Variants in LRFN1 observed in about 807,000 individuals in gnomAD.
The protein encoded by LRFN1 is leucine-rich repeat and fibronectin type III domain-containing protein 1.
LRFN1 carries 20 observed loss-of-function variants against 31.8 expected under a neutral mutation model. The ratio of observed to expected loss-of-function variants is 0.63; its 90% confidence interval spans 0.44 to 0.91. The LOEUF is 0.91. Among genes scored for constraint, LRFN1 ranks in the 40% least tolerant of loss-of-function variants. The pLI, the probability that LRFN1 is intolerant of heterozygous loss-of-function variation, is 0.00. For synonymous variants in LRFN1, 514 were observed against 541.3 expected, an observed-to-expected ratio of 0.95 and a Z score of 0.70; for missense variants, 912 against 1,129.8, an observed-to-expected ratio of 0.81 and a Z score of 2.76.
intron 1 of LRFN1, among the ~76,000 whole-genome samples, chr19:39,319,312 AAC>A (rs137961088): frequency 4.3e-4 from 66 of 152,056 alleles, no homozygotes; most frequent in South Asian, 6.2e-4. Flanking sequence ...ACATCTAACA[AAC>A]ACACACACAC....
rs370219349 is a variant in LRFN1, at chr19:39,314,532, C to G, written c.805G>C (p.Glu269Gln). 1 of 1,609,654 alleles carries G rather than the reference C, an allele frequency of 6.2e-7. No homozygotes were observed. ...GTGGCGCAGGTCTCTAAGTCGTCCT[C>G]GCGGGTCAGCCGCCGCAGCCAGAGC... The part of the protein sequence containing the change: ...ELLWLRRLTR[E>Q]DDLETCATPE... The change falls in exon 4 of 5, where the codon GAG becomes CAG. Residue 269 changes from glutamate to glutamine, a missense_variant. Glu to Gln is a conservative substitution (Grantham distance 29, BLOSUM62 2). This residue lies in a region of LRFN1 where 401 missense variants were observed against 572.7 expected (regional missense o/e 0.70). Coordinates refer to ENST00000248668, the MANE Select transcript of LRFN1 (RefSeq NM_020862.2).
rs1057008484 is a variant in LRFN1 at position 39,314,355 on chromosome 19, C to T, written c.982G>A (p.Glu328Lys). The change falls in exon 4 of 5, where the codon GAG becomes AAG. Residue 328 changes from glutamate (E) to lysine (K), a missense_variant. By Grantham distance (56) the Glu-to-Lys change is moderately conservative. Coordinates refer to ENST00000248668, the MANE Select transcript of LRFN1 (RefSeq NM_020862.2). ...SLRCRAVGDP[E>K]PVVHWVAPDG... ...GGTGCCACCCAGTGCACCACCGGCT[C>T]GGGGTCACCCACCGCTCGGCAGCGC... 2.5e-6 allele frequency: 4 copies of T among 1,592,850 alleles called. No individual in the cohort carries two copies. The highest frequency in any genetic ancestry group is 1.8e-5 in the Admixed American group (1 of 56,198).
intron 2 of LRFN1, among the ~76,000 whole-genome samples, chr19:39,318,067 A>C (rs2075177112): frequency 6.6e-6 from 1 of 152,100 alleles, no homozygotes; most frequent in South Asian, 2.1e-4. Context: ...CCTGAGAATG[A>C]ATGTCTCTTG....
At chr19:39,320,084 A>G (rs1412889902) in intron 1 of LRFN1, among the ~76,000 whole-genome samples, 3 of 79,364 alleles carry the variant, frequency 3.8e-5, no homozygotes, top group Admixed American at 1.7e-4. Context: ...CCATCTGTCC[A>G]CCTCCTGGCC....
chr19:39,314,356 G>A lies in LRFN1; in HGVS notation c.981C>T (p.Pro327=), dbSNP rs775523964. The change falls in exon 4 of 5, where the codon CCC becomes CCT. Residue 327 remains proline, a synonymous_variant. Coordinates refer to ENST00000248668, the MANE Select transcript of LRFN1 (RefSeq NM_020862.2). ...GTGCCACCCAGTGCACCACCGGCTC[G>A]GGGTCACCCACCGCTCGGCAGCGCA... is the stretch of plus-strand genomic sequence containing the variant. The part of the protein sequence containing the change: ...VSLRCRAVGD[P]EPVVHWVAPD... 1.3e-6 allele frequency: 2 copies of A among 1,590,348 alleles called. No homozygotes were observed. The highest frequency in any genetic ancestry group is 1.1e-5 in the South Asian group (1 of 88,312).
chr19:39,307,405 T>C lies in LRFN1; in HGVS notation c.*228A>G. The C allele has an allele frequency of 2.3e-6, 1 of 434,818 alleles. No homozygotes were observed. The highest frequency in any genetic ancestry group is 4.0e-6 in the Non-Finnish European group (1 of 251,758). The allele number at this position is 434,818 out of a possible 1,614,324, so 26.9% of individuals were successfully genotyped here. A position where few individuals can be genotyped will look rare whatever the true frequency, so the allele number is the denominator to read the frequency against. On this transcript the variant is annotated 3_prime_UTR_variant, in exon 5 of 5. Transcript: ENST00000248668. The surrounding 1 kb of genome is among the most constrained non-coding windows in gnomAD (Gnocchi z 6.7). The stretch of plus-strand genomic sequence containing the variant: ...GAGGGGTAGGAGGGGGGTCGAGGAG[T>C]CCATAGGGGAAGGGAGGCCGGCAGC...
rs755765228 is a variant in LRFN1, at chr19:39,314,287, C to A, written c.1050G>T (p.Arg350=). 5.0e-6 allele frequency: 8 copies of A among 1,611,626 alleles called. No homozygotes were observed. The South Asian group carries it at 7.7e-5, about 16-fold the overall frequency. Reference sequence around the variant, plus strand: ...TGGTCACATCCAGCGTCCCGTCCCCCCGGACCCGGGTCCGGCTGGAGTTCC... The same window carrying A: ...TGGTCACATCCAGCGTCCCGTCCCCACGGACCCGGGTCCGGCTGGAGTTCC... ...LLGNSSRTRV[R]GDGTLDVTIT... Residue 350 remains arginine (R), a synonymous_variant, in exon 4 of 5, where the codon CGG becomes CGT. Coordinates refer to ENST00000248668, the MANE Select transcript of LRFN1 (RefSeq NM_020862.2).
intron 1 of LRFN1, among the ~76,000 whole-genome samples, chr19:39,319,383 C>T (rs1252780581): frequency 3.3e-5 from 5 of 152,040 alleles, no homozygotes; most frequent in Non-Finnish European, 7.4e-5. Flanking sequence ...ATACTTCACA[C>T]ATCTCCATGT....
intron 4 of LRFN1, among the ~76,000 whole-genome samples, chr19:39,310,026 C>T (rs559562850): frequency 1.3e-5 from 2 of 152,316 alleles, no homozygotes; most frequent in South Asian, 2.1e-4. Context: ...GACGCGATCT[C>T]GGCTCACTGC....
Position 39,315,849 on chromosome 19 carries a change from T to C in LRFN1, c.-38+233A>G, listed in dbSNP as rs1272105766. 6.6e-6 allele frequency among the ~76,000 whole-genome samples: 1 copy of C among 152,100 alleles called. No individual in the cohort carries two copies. The highest frequency in any genetic ancestry group is 1.5e-5 in the Non-Finnish European group (1 of 68,002). On this transcript the variant is annotated intron_variant, in intron 3 of 4. Coordinates refer to ENST00000248668, the MANE Select transcript of LRFN1 (RefSeq NM_020862.2). This position sits in a 1 kb window ranked among gnomAD's most constrained non-coding sequence, Gnocchi z 4.7. The stretch of plus-strand genomic sequence containing the variant: ...ATAAATAAAAATAAAAATATCTCTA[T>C]ACTGGTTGATAGAATACCCCTGTCC...
chr19:39,313,521 G>A (rs935512986), intron 4 of LRFN1, among the ~76,000 whole-genome samples: 1 of 152,164 alleles, frequency 6.6e-6, no homozygotes, highest in Non-Finnish European at 1.5e-5. Flanking sequence ...AATAGAGTAA[G>A]GCTCAGTCTC....
At chr19:39,309,361 G>C (rs2075142350) in intron 4 of LRFN1, among the ~76,000 whole-genome samples, 1 of 151,554 alleles carries the variant, frequency 6.6e-6, no homozygotes, top group African/African-American at 2.4e-5. Flanking sequence ...GGCTGAGGCA[G>C]GAAAATCGCT....
chr19:39,320,555 C>CG (rs1338850340), intron 1 of LRFN1, among the ~76,000 whole-genome samples: 1 of 151,914 alleles, frequency 6.6e-6, no homozygotes, highest in Non-Finnish European at 1.5e-5. Flanking sequence ...GGCGGCCGCT[C>CG]GGGGGGACAC....
In LRFN1 at chr19:39,307,719, C is replaced by A; in HGVS notation, c.2230G>T (p.Gly744Trp). The change falls in exon 5 of 5, where the codon GGG becomes TGG. Residue 744 changes from glycine to tryptophan, a missense_variant. Physicochemically the swap from Gly to Trp is radical, Grantham distance 184 (BLOSUM62 -2). Transcript: ENST00000248668. This position sits in a 1 kb window ranked among gnomAD's most constrained non-coding sequence, Gnocchi z 6.7. ...CCCAGCCCCAGGTCTCCATCCTCCC[C>A]GGCCGCGCCCCCTCCAGCCCCGTCC... ...HLDGAGGGAA[G>W]EDGDLGLGSA... 2.7e-6 allele frequency: 4 copies of A among 1,499,352 alleles called. No individual in the cohort carries two copies. Among genetic ancestry groups the A allele is most frequent in the Non-Finnish European group, 3.5e-6 (4 of 1,137,080 alleles). The allele number at this position is 1,499,352 out of a possible 1,614,324, so 92.9% of individuals were successfully genotyped here. A position where few individuals can be genotyped will look rare whatever the true frequency, so the allele number is the denominator to read the frequency against.
In LRFN1 at chr19:39,308,591, C is replaced by A; in HGVS notation, c.1407-49G>T. The A allele has an allele frequency of 6.7e-7, 1 of 1,490,208 alleles. No individual in the cohort carries two copies. The highest frequency in any genetic ancestry group is 8.9e-7 in the Non-Finnish European group (1 of 1,119,358). 92.3% of individuals were successfully genotyped at this position (1,490,208 alleles called of 1,614,324 possible). Reference sequence around the variant, plus strand: ...GCGGGGTTAGTCCCCCCGAACCACGCCCCTTCGCTTTATGCCCCGCCCATG... The same window carrying A: ...GCGGGGTTAGTCCCCCCGAACCACGACCCTTCGCTTTATGCCCCGCCCATG... On this transcript the variant is annotated intron_variant, in intron 4 of 4. Transcript: ENST00000248668. This position sits in a 1 kb window ranked among gnomAD's most constrained non-coding sequence, Gnocchi z 6.2.
intron 1 of LRFN1, 123 bp from the exon 2 acceptor site, chr19:39,318,481 T>G (rs1406730706): frequency 6.6e-6 from 1 of 152,210 alleles, no homozygotes; most frequent in African/African-American, 2.4e-5. Context: ...AGTCCTCCTG[T>G]GGCGGGTTTT....
At chr19:39,313,052 T>C (rs1382997314) in intron 4 of LRFN1, among the ~76,000 whole-genome samples, 1 of 152,100 alleles carries the variant, frequency 6.6e-6, no homozygotes, top group Non-Finnish European at 1.5e-5. Context: ...AAGGAGGCGA[T>C]GGGAGAAAAT....
chr19:39,317,837 A>G (rs527710307), intron 2 of LRFN1, among the ~76,000 whole-genome samples: 1 of 152,238 alleles, frequency 6.6e-6, no homozygotes, highest in East Asian at 1.9e-4. Flanking sequence ...TATTATTATT[A>G]CTATTATTAT....
In LRFN1 at chr19:39,314,662, G is replaced by T. The variant is rs1442368461; in HGVS notation, c.675C>A (p.Leu225=). 5.0e-6 allele frequency: 8 copies of T among 1,613,086 alleles called. No individual in the cohort carries two copies. Among genetic ancestry groups the T allele is most frequent in the Non-Finnish European group, 5.9e-6 (7 of 1,179,506 alleles). ...ACCTCAGGAAGAGCCCGTCGGGCGG[G>T]AGTTTATGCAGGCGGTTGGAGGTCA... The part of the protein sequence containing the change: ...LDMTSNRLHK[L]PPDGLFLRSQ... Residue 225 remains leucine (L), a synonymous_variant, in exon 4 of 5, where the codon CTC becomes CTA. Transcript: ENST00000248668.
Sources: allele counts gnomAD v4.1 joint callset (sites outside exome capture counted in the v4.1 genomes callset), GRCh38; gene constraint gnomAD v4.1.1; regional missense constraint gnomAD v4.1.1; non-coding constraint Gnocchi (gnomAD v3.1); transcripts MANE v1.5; gene names NCBI Gene and HGNC (gene_info 2026-07-23, HGNC 2026-07-21).